Variants in ADGRB3 observed in about 807,000 individuals in gnomAD.
The protein encoded by ADGRB3 is adhesion G protein-coupled receptor B3.
A neutral mutation model predicts 193.4 loss-of-function variants in ADGRB3; 37 were observed. The ratio of observed to expected loss-of-function variants is 0.19; its 90% CI spans 0.15 to 0.25. The LOEUF (loss-of-function observed/expected upper bound fraction) is 0.25. Ranked by LOEUF, ADGRB3 falls within the 10% of genes least tolerant of loss-of-function variation. The pLI is 1.00. For missense variants in ADGRB3, 1,637 were observed against 1,852.9 expected (o/e 0.88, Z 2.14); for synonymous variants, 690 against 644.2 (o/e 1.07, Z -1.08).
At chr6:68,791,554 G>A (rs1004964577) in intron 3 of ADGRB3, among the ~76,000 whole-genome samples, 20 of 152,148 alleles carry the variant, frequency 1.3e-4, no homozygotes, top group Admixed American at 1.3e-3. Context: ...AGACACTGCA[G>A]ATTGTCTTAA....
intron 20 of ADGRB3, among the ~76,000 whole-genome samples, chr6:69,297,058 T>C (rs78377281): frequency 0.029 from 4,382 of 152,136 alleles, 186 homozygotes; most frequent in African/African-American, 0.099. Context: ...AGACTTTTAC[T>C]CCAGGATAAA....
intron 20 of ADGRB3, among the ~76,000 whole-genome samples, chr6:69,319,163 T>C (rs909877611): frequency 6.6e-6 from 1 of 151,258 alleles, no homozygotes; most frequent in Non-Finnish European, 1.5e-5. Context: ...TAGCAAAATT[T>C]CACAAGTTTT....
chr6:68,829,091 CTTTTTTTTTTTT>C (rs70987436), intron 3 of ADGRB3, among the ~76,000 whole-genome samples: 7 of 94,656 alleles, frequency 7.4e-5, no homozygotes, highest in Middle Eastern at 8.5e-3. Flanking sequence ...GTTTAAGTAA[CTTTTTTTTTTTT>C]TTTTTTTTTT....
intron 10 of ADGRB3, among the ~76,000 whole-genome samples, chr6:68,979,960 A>G (rs975552571): frequency 2.0e-5 from 3 of 151,374 alleles, no homozygotes; most frequent in African/African-American, 7.3e-5. Flanking sequence ...CTGTAGGTAG[A>G]CAAATCTAAA....
chr6:69,312,826 T>A (rs1272289544), intron 20 of ADGRB3, among the ~76,000 whole-genome samples: 1 of 151,802 alleles, frequency 6.6e-6, no homozygotes, highest in Non-Finnish European at 1.5e-5. Context: ...CATAGCAGAA[T>A]GTTCCATGTG....
intron 3 of ADGRB3, among the ~76,000 whole-genome samples, chr6:68,928,805 G>T (rs531296620): frequency 6.6e-6 from 1 of 152,158 alleles, no homozygotes; most frequent in East Asian, 1.9e-4. Context: ...TGACATAAAT[G>T]CTGAAAACAA....
In ADGRB3 at chr6:68,910,664, T is replaced by A. The variant is rs184502545; in HGVS notation, c.758-19895T>A. ...CCAGCACCATTTATTAAATAGGGAATCCTTTGCCCATTTCTTGTTTTTGTC... is the reference window on the plus strand; with the variant it reads ...CCAGCACCATTTATTAAATAGGGAAACCTTTGCCCATTTCTTGTTTTTGTC... On this transcript the variant is annotated intron_variant, in intron 3 of 31. Transcript: ENST00000370598. 7.9e-5 allele frequency among the ~76,000 whole-genome samples: 12 copies of A among 152,362 alleles called. No individual in the cohort carries two copies. The East Asian group carries it at 2.1e-3, about 27-fold the overall frequency.
At chr6:69,384,248 T>A (rs1456245507) in intron 31 of ADGRB3, among the ~76,000 whole-genome samples, 1 of 152,012 alleles carries the variant, frequency 6.6e-6, no homozygotes, top group Non-Finnish European at 1.5e-5. Context: ...TTTTTCTCCT[T>A]AAAGTAGGAA....
chr6:69,373,191 A>C (rs549773935), intron 30 of ADGRB3, among the ~76,000 whole-genome samples: 15 of 152,126 alleles, frequency 9.9e-5, no homozygotes, highest in African/African-American at 3.6e-4. Context: ...ATTGGATATA[A>C]TACATTATAT....
intron 17 of ADGRB3, among the ~76,000 whole-genome samples, chr6:69,196,795 T>C (rs948837832): frequency 4.6e-5 from 7 of 152,072 alleles, no homozygotes; most frequent in Admixed American, 1.3e-4. Flanking sequence ...CTATTGTTCA[T>C]TCGTTTTGCT....
At chr6:68,830,300 AT>A (rs763173948) in intron 3 of ADGRB3, among the ~76,000 whole-genome samples, 4 of 152,128 alleles carry the variant, frequency 2.6e-5, no homozygotes, top group Admixed American at 6.5e-5. Context: ...AAAGAAGAAA[AT>A]TTCAAAGTAA....
At chr6:69,264,520 T>A (rs1016248467) in intron 20 of ADGRB3, among the ~76,000 whole-genome samples, 1 of 151,926 alleles carries the variant, frequency 6.6e-6, no homozygotes, top group Non-Finnish European at 1.5e-5. Flanking sequence ...CTCCTTTTTT[T>A]TTTATTTATT....
At chr6:69,256,839 T>C (rs1582583528) in intron 20 of ADGRB3, among the ~76,000 whole-genome samples, 1 of 152,218 alleles carries the variant, frequency 6.6e-6, no homozygotes, top group African/African-American at 2.4e-5. Context: ...TGGCTGTGGG[T>C]TTATCATAGA....
intron 17 of ADGRB3, among the ~76,000 whole-genome samples, chr6:69,106,569 A>G (rs911573918): frequency 2.6e-5 from 4 of 152,238 alleles, no homozygotes; most frequent in Non-Finnish European, 4.4e-5. Flanking sequence ...ACTTATTTCA[A>G]TTACCATCAC....
In ADGRB3 at chr6:68,910,257, G is replaced by GT. The variant is rs952058919; in HGVS notation, c.758-20295dup. Among the ~76,000 whole-genome samples, 13 of 152,206 alleles carry GT rather than the reference G, an allele frequency of 8.5e-5. No individual in the cohort carries two copies. In the East Asian group the frequency reaches 1.7e-3, roughly 20 times the overall value. ...CACCCATTTGTCGATGGGGTTGTTT[G>GT]TTTTTTTCTTGTTAATTTGTTTGAG... On this transcript the variant is annotated intron_variant, in intron 3 of 31. Coordinates refer to ENST00000370598, the MANE Select transcript of ADGRB3 (RefSeq NM_001704.3).
intron 3 of ADGRB3, among the ~76,000 whole-genome samples, chr6:68,772,900 T>A (rs1318117145): frequency 0.026 from 379 of 14,740 alleles, 2 homozygotes; most frequent in Admixed American, 0.04. Context: ...AAAAAATATA[T>A]ATATATATAT....
intron 20 of ADGRB3, among the ~76,000 whole-genome samples, chr6:69,244,160 G>T (rs1766441555): frequency 6.6e-6 from 1 of 151,878 alleles, no homozygotes; most frequent in Non-Finnish European, 1.5e-5. Context: ...ATTCAGACTT[G>T]CAAAAGATAC....
chr6:68,843,040 A>G (rs1052891110), intron 3 of ADGRB3, among the ~76,000 whole-genome samples: 5 of 91,130 alleles, frequency 5.5e-5, no homozygotes, highest in African/African-American at 2.6e-4. Flanking sequence ...AATAAAAGCC[A>G]TATACAACAA....
intron 3 of ADGRB3, among the ~76,000 whole-genome samples, chr6:68,778,980 C>A (rs1766802133): frequency 6.6e-6 from 1 of 151,982 alleles, no homozygotes; most frequent in Non-Finnish European, 1.5e-5. Flanking sequence ...CAAACAGTCA[C>A]TGGGAGCTGC....
Sources: gnomAD v4.1 joint callset for allele counts (sites outside exome capture counted in the v4.1 genomes callset) on GRCh38, gnomAD v4.1.1 for gene constraint, MANE v1.5 for transcripts, NCBI Gene and HGNC (gene_info 2026-07-23, HGNC 2026-07-21) for gene names.